The following AGK variants were observed in gnomAD, a reference collection of about 807,000 sequenced individuals.
The protein encoded by AGK is acylglycerol kinase, also known as acylglycerol kinase, mitochondrial.
AGK carries 52 observed loss-of-function variants against 66.4 expected under a neutral mutation model. The ratio of observed to expected loss-of-function variants is 0.78; its 90% CI spans 0.63 to 0.99. The LOEUF (loss-of-function observed/expected upper bound fraction) is 0.99, where lower values mean the gene tolerates loss of function less well. Ranked by LOEUF, AGK falls within the 50% of genes least tolerant of loss-of-function variation. AGK has a pLI of 0.00. For missense variants in AGK, 451 were observed against 506.6 expected, an observed-to-expected ratio of 0.89 and a Z score of 1.05; for synonymous variants, 182 against 181.1, an observed-to-expected ratio of 1.00 and a Z score of -0.04.
rs568287952 is a variant in AGK at position 141,598,205 on chromosome 7, C to T, written c.221+1564C>T. Reference sequence around the variant, plus strand: ...AGATTGTCTAAACAGACTATTCTGCCTAACTGAATCATATCTGCTGGGCTT... The same window carrying T: ...AGATTGTCTAAACAGACTATTCTGCTTAACTGAATCATATCTGCTGGGCTT... On this transcript the variant is annotated intron_variant, in intron 4 of 15. Transcript: ENST00000649286. The surrounding 1 kb of genome is among the most constrained non-coding windows in gnomAD (Gnocchi z 4.2). Among the ~76,000 whole-genome samples the T allele has an allele frequency of 2.2e-3, 329 of 152,234 alleles. No homozygotes were observed. The highest frequency in any genetic ancestry group is 4.0e-3 in the Non-Finnish European group (269 of 68,016).
At position 141,555,294 on chromosome 7, in the gene AGK, T is replaced by C. The variant is rs551558819; in HGVS notation, c.-14-159T>C. Among the ~76,000 whole-genome samples, 1 of 151,850 alleles carries C rather than the reference T, an allele frequency of 6.6e-6. No individual in the cohort carries two copies. Among genetic ancestry groups the C allele is most frequent in the South Asian group, 2.1e-4 (1 of 4,800 alleles). ...GATGATGGAAATAGAAGGGAGAAGA[T>C]GAGCTGAGGCCAGAGGAGAAGTGGT... On this transcript the variant is annotated intron_variant, in intron 1 of 15. Transcript: ENST00000649286. The surrounding 1 kb of genome is among the most constrained non-coding windows in gnomAD (Gnocchi z 4.2).
intron 13 of AGK, among the ~76,000 whole-genome samples, chr7:141,645,585 A>G (rs750669491): frequency 3.9e-4 from 59 of 152,234 alleles, no homozygotes; most frequent in Non-Finnish European, 6.8e-4. Context: ...AAGTAGCAGT[A>G]ACAGGAGTCC....
intron 8 of AGK, among the ~76,000 whole-genome samples, chr7:141,619,598 C>T (rs1040628565): frequency 2.0e-5 from 3 of 151,568 alleles, no homozygotes; most frequent in Non-Finnish European, 4.4e-5. Context: ...AGAAGAAAAT[C>T]TTTAGTCATT....
chr7:141,653,058 C>A lies in AGK; in HGVS notation c.*134C>A. 9.8e-7 allele frequency: 1 copy of A among 1,021,428 alleles called. No homozygotes were observed. Among genetic ancestry groups the A allele is most frequent in the Non-Finnish European group, 1.4e-6 (1 of 701,472 alleles). 63.3% of individuals were successfully genotyped at this position (1,021,428 alleles called of 1,614,324 possible). A position where few individuals can be genotyped will look rare whatever the true frequency, so the allele number is the denominator to read the frequency against. ...TTTTCATGGCAAGTACCCCTCTGCC[C>A]CCACTCCAGCAGTGCTTCCCAAAGT... On this transcript the variant is annotated 3_prime_UTR_variant, in exon 16 of 16. Coordinates refer to ENST00000649286, the MANE Select transcript of AGK (RefSeq NM_018238.4).
intron 2 of AGK, among the ~76,000 whole-genome samples, chr7:141,566,339 C>T (rs1795467391): frequency 6.6e-6 from 1 of 152,182 alleles, no homozygotes; most frequent in African/African-American, 2.4e-5. Context: ...TTGTCTTGCT[C>T]AGTGTTGTCC....
chr7:141,653,305 G>T lies in AGK; in HGVS notation c.*381G>T, dbSNP rs767720377. The T allele has an allele frequency of 3.3e-5, 6 of 180,452 alleles. No homozygotes were observed. The highest frequency in any genetic ancestry group is 7.1e-5 in the Non-Finnish European group (6 of 84,030). The allele number at this position is 180,452 out of a possible 1,614,324, so 11.2% of individuals were successfully genotyped here. A position where few individuals can be genotyped will look rare whatever the true frequency, so the allele number is the denominator to read the frequency against. On this transcript the variant is annotated 3_prime_UTR_variant, in exon 16 of 16. Coordinates refer to ENST00000649286, the MANE Select transcript of AGK (RefSeq NM_018238.4). ...TCTTTGACCGTGCTAGGAATTCCAG[G>T]AAAGTGCATTCCTGCCCTGGTGACC...
At chr7:141,609,971 GT>G (rs532318470) in intron 5 of AGK, among the ~76,000 whole-genome samples, 20 of 143,768 alleles carry the variant, frequency 1.4e-4, no homozygotes, top group East Asian at 8.1e-4. Flanking sequence ...GTTTTTTTTT[GT>G]TTTTTTTTTT....
intron 5 of AGK, among the ~76,000 whole-genome samples, chr7:141,610,018 G>A (rs1374689161): frequency 6.6e-6 from 1 of 151,398 alleles, no homozygotes; most frequent in Non-Finnish European, 1.5e-5. Context: ...GCCCAGGCTG[G>A]AGTGCAGTGG....
intron 2 of AGK, among the ~76,000 whole-genome samples, chr7:141,587,721 C>A (rs1158918258): frequency 6.6e-6 from 1 of 152,150 alleles, no homozygotes; most frequent in Admixed American, 6.5e-5. Context: ...AGGTTAGATG[C>A]CCCCATTATG....
intron 9 of AGK, among the ~76,000 whole-genome samples, chr7:141,623,873 C>G (rs1221477130): frequency 6.6e-6 from 1 of 152,100 alleles, no homozygotes; most frequent in Admixed American, 6.5e-5. Flanking sequence ...ATGTTAAAAA[C>G]TACTGCAGCT....
At chr7:141,636,641 C>G (rs1797175965) in intron 10 of AGK, among the ~76,000 whole-genome samples, 1 of 152,128 alleles carries the variant, frequency 6.6e-6, no homozygotes, top group African/African-American at 2.4e-5. Context: ...AACTCTATAC[C>G]AAACTGTATT....
chr7:141,583,296 G>A (rs1245033868), intron 2 of AGK, among the ~76,000 whole-genome samples: 1 of 151,662 alleles, frequency 6.6e-6, no homozygotes, highest in Admixed American at 6.6e-5. Context: ...AGGGTGGAAA[G>A]TTGCCTATAG....
intron 2 of AGK, among the ~76,000 whole-genome samples, chr7:141,565,568 G>T (rs1039119217): frequency 6.6e-6 from 1 of 151,942 alleles, no homozygotes; most frequent in Non-Finnish European, 1.5e-5. Context: ...GTGAACCCAG[G>T]AGGCGGAGGC....
chr7:141,609,962 T>G (rs193168712), intron 5 of AGK, among the ~76,000 whole-genome samples: 111 of 150,314 alleles, frequency 7.4e-4, no homozygotes, highest in East Asian at 1.8e-3. Flanking sequence ...TATGTATGGG[T>G]TTTTTTTTGT....
chr7:141,551,808 GGGTT>G (rs199699040), intron 1 of AGK, among the ~76,000 whole-genome samples: 2,944 of 152,290 alleles, frequency 0.019, 46 homozygotes, highest in Non-Finnish European at 0.03. Context: ...ATCCATTGAT[GGGTT>G]GGTTGGTTCA....
chr7:141,644,655 A>G (rs961782787), intron 13 of AGK, among the ~76,000 whole-genome samples: 2 of 152,170 alleles, frequency 1.3e-5, no homozygotes, highest in African/African-American at 2.4e-5. Context: ...TCTATTTTAT[A>G]TATGTATTAT....
chr7:141,588,617 G>GAA (rs80157616), intron 2 of AGK, among the ~76,000 whole-genome samples: 1 of 139,716 alleles, frequency 7.2e-6, no homozygotes, highest in Admixed American at 7.2e-5. Context: ...CTTCGCCTCG[G>GAA]AAAAAAAAAA....
chr7:141,642,761 AGTT>A (rs1797317974), intron 13 of AGK, among the ~76,000 whole-genome samples: 1 of 152,250 alleles, frequency 6.6e-6, no homozygotes, highest in South Asian at 2.1e-4. Flanking sequence ...CCATAAATAA[AGTT>A]TTATTGGAGC....
intron 2 of AGK, among the ~76,000 whole-genome samples, chr7:141,577,576 A>C (rs568155243): frequency 6.6e-6 from 1 of 152,322 alleles, no homozygotes; most frequent in East Asian, 1.9e-4. Context: ...GACTGTCAGC[A>C]GAGTGAGAGT....
Sources: gnomAD v4.1 joint callset for allele counts (sites outside exome capture counted in the v4.1 genomes callset) on GRCh38, gnomAD v4.1.1 for gene constraint, Gnocchi (gnomAD v3.1) non-coding constraint, MANE v1.5 for transcripts, NCBI Gene and HGNC (gene_info 2026-07-23, HGNC 2026-07-21) for gene names.